The following RPS6KA6 variants were observed in gnomAD, a reference collection of about 807,000 sequenced individuals.
RPS6KA6 encodes ribosomal protein S6 kinase A6.
In RPS6KA6, 27 loss-of-function variants were observed where a neutral mutation model predicts 65.4. The observed-to-expected ratio is 0.41, with a 90% CI of 0.30 to 0.57. RPS6KA6 has a LOEUF of 0.57. RPS6KA6 is among the 20% of genes least tolerant of loss of function. The pLI, the probability that RPS6KA6 is intolerant of heterozygous loss-of-function variation, is 0.24. For missense variants in RPS6KA6, 486 were observed against 555.6 expected, an observed-to-expected ratio of 0.87 and a Z score of 1.26; for synonymous variants, 190 against 184.2, an observed-to-expected ratio of 1.03 and a Z score of -0.26.
intron 3 of RPS6KA6, among the ~76,000 whole-genome samples, chrX:84,152,726 C>T (rs890562289): frequency 9.0e-6 from 1 of 111,390 alleles, no homozygotes; most frequent in Admixed American, 9.6e-5. Context: ...TTGTCAGAAA[C>T]ATCATGCCCT....
chrX:84,097,837 T>C lies in RPS6KA6; in HGVS notation c.1788A>G (p.Gln596=), dbSNP rs1445701597. ...TATCACAAGCAGCATCATATCCCTG[T>C]TGCATAAGAACCTAAGAAAGAAATA... ...ANFVAPEVLM[Q]QGYDAACDIW... is the part of the protein sequence containing the mutation. Residue 596 remains glutamine, a synonymous_variant, in exon 19 of 22, where the codon CAA becomes CAG. Transcript: ENST00000262752. 9 of 1,185,061 alleles carry C rather than the reference T, an allele frequency of 7.6e-6. No homozygotes were observed. The highest frequency in any genetic ancestry group is 1.0e-5 in the Non-Finnish European group (9 of 875,227).
Position 84,065,130 on chromosome X carries a change from G to A in RPS6KA6, c.1972-19C>T. The A allele has an allele frequency of 1.8e-6, 2 of 1,119,345 alleles. No homozygotes were observed. The highest frequency in any genetic ancestry group is 2.4e-6 in the Non-Finnish European group (2 of 821,495). The allele number at this position is 1,119,345 out of a possible 1,213,427, so 92.2% of individuals were successfully genotyped here. On this transcript the variant is annotated intron_variant, in intron 20 of 21. Transcript: ENST00000262752. ...GCAAATCCTAAATTAAAAAAAATGTGTGTGTATATATATATACATGTATAC... is the reference window on the plus strand; with the variant it reads ...GCAAATCCTAAATTAAAAAAAATGTATGTGTATATATATATACATGTATAC...
At chrX:84,078,501 G>A (rs1425212378) in intron 20 of RPS6KA6, among the ~76,000 whole-genome samples, 4 of 111,021 alleles carry the variant, frequency 3.6e-5, no homozygotes, top group African/African-American at 1.3e-4. Context: ...GATATTCATA[G>A]CAGCTTTATT....
chrX:84,106,371 T>C lies in RPS6KA6; in HGVS notation c.1359A>G (p.Ala453=). Residue 453 remains alanine (A), a synonymous_variant, in exon 15 of 22, where the codon GCA becomes GCG. Coordinates refer to ENST00000262752, the MANE Select transcript of RPS6KA6 (RefSeq NM_014496.5). ...CTAGGCTCAGAGACAATACCTTCACTGCAAATTCCATGTTGGTAGTTGCAT... is the reference window on the plus strand; with the variant it reads ...CTAGGCTCAGAGACAATACCTTCACCGCAAATTCCATGTTGGTAGTTGCAT... ...CIHATTNMEF[A]VKIIDKSKRD... is the part of the protein sequence containing the mutation. 8.3e-7 allele frequency: 1 copy of C among 1,204,515 alleles called. No individual in the cohort carries two copies. Among genetic ancestry groups the C allele is most frequent in the Non-Finnish European group, 1.1e-6 (1 of 891,365 alleles).
At chrX:84,157,954 T>A (rs2035443802) in intron 2 of RPS6KA6, among the ~76,000 whole-genome samples, 1 of 109,312 alleles carries the variant, frequency 9.1e-6, no homozygotes, top group Non-Finnish European at 1.9e-5. Context: ...AAGCTCCCAA[T>A]ATGAAAATGC....
intron 3 of RPS6KA6, 142 bp from the exon 4 acceptor site, chrX:84,148,265 G>C (rs1244487304): frequency 8.0e-6 from 3 of 376,062 alleles, no homozygotes; most frequent in Non-Finnish European, 1.4e-5. Context: ...AGGGAAGGGA[G>C]AGATAGTGAG....
In RPS6KA6 at chrX:84,117,436, T is replaced by A. The variant is rs1187161027; in HGVS notation, c.808A>T (p.Thr270Ser). The A allele has an allele frequency of 2.6e-6, 3 of 1,162,415 alleles. No individual in the cohort carries two copies. Among genetic ancestry groups the A allele is most frequent in the Non-Finnish European group, 3.5e-6 (3 of 862,216 alleles). The change falls in exon 10 of 22, where the codon ACT (threonine) becomes TCT (serine). Residue 270 changes from threonine to serine, a missense_variant. Transcript: ENST00000262752. Reference protein sequence around the residue: ...GVLMFEMLTGTLPFQGKDRNE... With the variant: ...GVLMFEMLTGSLPFQGKDRNE... ...CTGTCTTTACCTTGAAATGGCAGAG[T>A]ACCAGTAAGCATTTCAAACTAAAAC...
intron 2 of RPS6KA6, among the ~76,000 whole-genome samples, chrX:84,162,376 A>G (rs2035528131): frequency 8.9e-6 from 1 of 111,758 alleles, no homozygotes; most frequent in Non-Finnish European, 1.9e-5. Context: ...TACTTTAACC[A>G]TCACACACCC....
At chrX:84,099,454 C>A (rs776481781) in intron 18 of RPS6KA6, among the ~76,000 whole-genome samples, 8 of 110,988 alleles carry the variant, frequency 7.2e-5, no homozygotes, top group Non-Finnish European at 1.5e-4. Context: ...TGGCATAAGT[C>A]TCTCTCTCAT....
In RPS6KA6 at chrX:84,149,532, G is replaced by A. The variant is rs150244365; in HGVS notation, c.259-1409C>T. Among the ~76,000 whole-genome samples, 987 of 111,945 alleles carry A rather than the reference G, an allele frequency of 8.8e-3. 16 individuals carry two copies. Among genetic ancestry groups the A allele is most frequent in the African/African-American group, 0.031 (952 of 30,832 alleles). On this transcript the variant is annotated intron_variant, in intron 3 of 21. Transcript: ENST00000262752. ...GGGCTGCAGAATGGATACTGTAATA[G>A]CAAGCATGAAAACAACATTAATCTC...
chrX:84,139,220 C>T (rs1323257236), intron 6 of RPS6KA6, among the ~76,000 whole-genome samples: 1 of 111,825 alleles, frequency 8.9e-6, no homozygotes, highest in Non-Finnish European at 1.9e-5. Context: ...AGTCCCACAT[C>T]GAGAATGGAG....
chrX:84,147,940 TA>T (rs1175892569), intron 4 of RPS6KA6, 101 bp downstream of exon 4: 2 of 439,792 alleles, frequency 4.5e-6, no homozygotes, highest in Non-Finnish European at 7.4e-6. Context: ...ATACCAATGT[TA>T]AAAATAGCTA....
At chrX:84,146,564 C>T (rs1187467195) in intron 5 of RPS6KA6, among the ~76,000 whole-genome samples, 1 of 111,544 alleles carries the variant, frequency 9.0e-6, no homozygotes, top group African/African-American at 3.2e-5. Flanking sequence ...AAAAAAATAA[C>T]TCAAGTAGAC....
chrX:84,111,227 A>C (rs2034464963), intron 12 of RPS6KA6, among the ~76,000 whole-genome samples: 1 of 110,813 alleles, frequency 9.0e-6, no homozygotes, highest in Non-Finnish European at 1.9e-5. Context: ...TGCAACTTAT[A>C]GGCAGAAAGA....
At chrX:84,140,929 T>C (rs1412199891) in intron 6 of RPS6KA6, among the ~76,000 whole-genome samples, 1 of 109,042 alleles carries the variant, frequency 9.2e-6, no homozygotes, top group Non-Finnish European at 1.9e-5. Context: ...AAAGAGTCTT[T>C]GTTAGAGTAT....
chrX:84,166,537 C>A, intron 1 of RPS6KA6, among the ~76,000 whole-genome samples: 1 of 111,179 alleles, frequency 9.0e-6, no homozygotes, highest in Non-Finnish European at 1.9e-5. Context: ...TAGATGTCAT[C>A]CAATATGAAG....
Position 84,063,008 on chromosome X carries a change from AATG to A in RPS6KA6, c.*1266_*1268del, listed in dbSNP as rs1419070552. On this transcript the variant is annotated 3_prime_UTR_variant, in exon 22 of 22. Coordinates refer to ENST00000262752, the MANE Select transcript of RPS6KA6 (RefSeq NM_014496.5). ...AACGGTATTTTCTTCAACAACGTGA[AATG>A]ATTCTTTAGCATTTCATCATTTAGA... The A allele has an allele frequency of 9.0e-6, 1 of 110,642 alleles. No individual in the cohort carries two copies. Among genetic ancestry groups the A allele is most frequent in the East Asian group, 2.8e-4 (1 of 3,555 alleles). 9.1% of individuals were successfully genotyped at this position (110,642 alleles called of 1,213,427 possible). A position where few individuals can be genotyped will look rare whatever the true frequency, so the allele number is the denominator to read the frequency against.
Position 84,151,700 on chromosome X carries a change from C to T in RPS6KA6, c.259-3577G>A, listed in dbSNP as rs751463674. Among the ~76,000 whole-genome samples, 5 of 111,287 alleles carry T rather than the reference C, an allele frequency of 4.5e-5. No individual in the cohort carries two copies. The South Asian group carries it at 1.9e-3, about 42-fold the overall frequency. ...GCTTCACATGTACTTCCTATTTCAT[C>T]GCATATTATTCAAAAGAAGGGTATT... On this transcript the variant is annotated intron_variant, in intron 3 of 21. Transcript: ENST00000262752.
At chrX:84,088,973 G>A in intron 20 of RPS6KA6, among the ~76,000 whole-genome samples, 1 of 111,939 alleles carries the variant, frequency 8.9e-6, no homozygotes. Context: ...ACTTCCCAGA[G>A]CAGGCAGGCT....
Sources: allele counts gnomAD v4.1 joint callset (sites outside exome capture counted in the v4.1 genomes callset), GRCh38; gene constraint gnomAD v4.1.1; transcripts MANE v1.5; gene names NCBI Gene and HGNC (gene_info 2026-07-23, HGNC 2026-07-21).